Variants in JAZF1 observed in about 807,000 individuals in gnomAD.
The protein encoded by JAZF1 is JAZF zinc finger 1.
JAZF1 carries 8 observed loss-of-function variants against 26.4 expected under a neutral mutation model. That is an observed-to-expected ratio of 0.30 (90% confidence interval 0.18 to 0.55). The LOEUF (loss-of-function observed/expected upper bound fraction) is 0.55. JAZF1 is among the 20% of genes least tolerant of loss of function. The pLI, the probability that JAZF1 is intolerant of heterozygous loss-of-function variation, is 0.94. For missense variants in JAZF1, 199 were observed against 322.0 expected (o/e 0.62, Z 2.92); for synonymous variants, 126 against 122.3 (o/e 1.03, Z -0.20).
chr7:28,155,471 C>T (rs376496335), intron 1 of JAZF1, among the ~76,000 whole-genome samples: 1 of 152,180 alleles, frequency 6.6e-6, no homozygotes, highest in Non-Finnish European at 1.5e-5. Flanking sequence ...CAGAGTTATA[C>T]GGTCTTCATT....
At position 27,932,442 on chromosome 7, in the gene JAZF1, C is replaced by T. The variant is rs553105567; in HGVS notation, c.189-37026G>A. ...GACTGTTGGTATGTAAAGCCACAGA[C>T]ACAGTCATCCATAATCTAGGTGCAG... is the stretch of plus-strand genomic sequence containing the variant. On this transcript the variant is annotated intron_variant, in intron 2 of 4. Coordinates refer to ENST00000283928, the MANE Select transcript of JAZF1 (RefSeq NM_175061.4). Among the ~76,000 whole-genome samples the T allele has an allele frequency of 1.5e-3, 231 of 152,240 alleles. 1 individual carries two copies. The highest frequency in any genetic ancestry group is 1.3e-3 in the Admixed American group (20 of 15,300).
intron 3 of JAZF1, among the ~76,000 whole-genome samples, chr7:27,877,422 T>A (rs1321168740): frequency 6.6e-6 from 1 of 152,182 alleles, no homozygotes; most frequent in Non-Finnish European, 1.5e-5. Context: ...CTCCCCCAAA[T>A]GTCAGCAAGT....
intron 1 of JAZF1, among the ~76,000 whole-genome samples, chr7:27,994,629 A>G (rs1402334675): frequency 6.6e-6 from 1 of 152,200 alleles, no homozygotes; most frequent in Non-Finnish European, 1.5e-5. Flanking sequence ...GGCAACCTTT[A>G]GAATATCCAT....
At chr7:28,163,478 T>A (rs984009316) in intron 1 of JAZF1, among the ~76,000 whole-genome samples, 1 of 152,154 alleles carries the variant, frequency 6.6e-6, no homozygotes, top group Admixed American at 6.5e-5. Flanking sequence ...ACAGGAAGCA[T>A]CCCTTAACCT....
chr7:28,161,257 TA>T (rs10630786), intron 1 of JAZF1, among the ~76,000 whole-genome samples: 9,126 of 76,924 alleles, frequency 0.12, 338 homozygotes, highest in Middle Eastern at 0.18. Context: ...TCCTTTAATC[TA>T]AAAAAAAAAA....
chr7:28,160,465 A>G (rs1182515043), intron 1 of JAZF1, among the ~76,000 whole-genome samples: 1 of 152,104 alleles, frequency 6.6e-6, no homozygotes, highest in Non-Finnish European at 1.5e-5. Context: ...CACTTACAGA[A>G]GGGCCTGGCA....
intron 1 of JAZF1, among the ~76,000 whole-genome samples, chr7:28,096,848 T>G (rs1180211977): frequency 6.6e-6 from 1 of 152,200 alleles, no homozygotes; most frequent in East Asian, 1.9e-4. Flanking sequence ...TGACCACATT[T>G]CAAGTTCCTT....
intron 3 of JAZF1, among the ~76,000 whole-genome samples, chr7:27,849,104 CTTTGA>C (rs71846771): frequency 0.019 from 2,964 of 152,244 alleles, 92 homozygotes; most frequent in African/African-American, 0.068. Flanking sequence ...ATTTGTGTTC[CTTTGA>C]TTTATTTTTA....
chr7:28,130,301 C>T (rs926353629), intron 1 of JAZF1, among the ~76,000 whole-genome samples: 14 of 151,918 alleles, frequency 9.2e-5, no homozygotes, highest in Admixed American at 7.2e-4. Flanking sequence ...GGAAAAAAAA[C>T]AAAACAAAAC....
At chr7:27,963,393 T>C (rs188279592) in intron 2 of JAZF1, among the ~76,000 whole-genome samples, 203 of 152,330 alleles carry the variant, frequency 1.3e-3, no homozygotes, top group African/African-American at 3.7e-3. Flanking sequence ...TTTTATTTCA[T>C]TCCAAATTCA....
chr7:28,100,434 T>TAA (rs1411898522), intron 1 of JAZF1, among the ~76,000 whole-genome samples: 1 of 151,950 alleles, frequency 6.6e-6, no homozygotes, highest in South Asian at 2.1e-4. Context: ...CATATATATA[T>TAA]AATAATAACA....
At chr7:27,907,630 G>A (rs750921520) in intron 2 of JAZF1, among the ~76,000 whole-genome samples, 6 of 152,158 alleles carry the variant, frequency 3.9e-5, no homozygotes, top group Non-Finnish European at 7.3e-5. Context: ...GACTCCCGGG[G>A]AATCTAGCAC....
intron 2 of JAZF1, among the ~76,000 whole-genome samples, chr7:27,946,600 A>G (rs990697156): frequency 5.3e-5 from 8 of 152,196 alleles, no homozygotes; most frequent in African/African-American, 1.9e-4. Flanking sequence ...GCTGCATGTC[A>G]TCCCTAATAG....
chr7:28,157,380 T>A (rs985280948), intron 1 of JAZF1, among the ~76,000 whole-genome samples: 7 of 152,188 alleles, frequency 4.6e-5, no homozygotes, highest in African/African-American at 1.7e-4. Context: ...TCACAATTAT[T>A]CAACTCTGCC....
intron 1 of JAZF1, among the ~76,000 whole-genome samples, chr7:28,124,279 G>A (rs535230084): frequency 3.2e-4 from 49 of 152,314 alleles, no homozygotes; most frequent in Middle Eastern, 3.4e-3. Flanking sequence ...GCCACACAAA[G>A]AGGCCTCAGA....
intron 3 of JAZF1, among the ~76,000 whole-genome samples, chr7:27,879,231 T>C (rs1312982814): frequency 1.3e-5 from 2 of 152,222 alleles, no homozygotes; most frequent in East Asian, 1.9e-4. Flanking sequence ...GTATGTTCCA[T>C]TTCTTCATAT....
intron 1 of JAZF1, among the ~76,000 whole-genome samples, chr7:28,021,172 C>A (rs996857486): frequency 5.9e-5 from 9 of 152,060 alleles, no homozygotes; most frequent in Non-Finnish European, 1.3e-4. Flanking sequence ...GGACACGGGC[C>A]GAGAGAGTTC....
chr7:28,004,730 G>GCAA lies in JAZF1; in HGVS notation c.116-12752_116-12750dup. Among the ~76,000 whole-genome samples, 2 of 152,116 alleles carry GCAA rather than the reference G, an allele frequency of 1.3e-5. 1 individual carries two copies. The highest frequency in any genetic ancestry group is 6.8e-3 in the Middle Eastern group (2 of 294). ...TGCAGTGGCATGATCTCAGCTTACT[G>GCAA]CAACCTCCGCCTCTTGGGTTCAAGT... On this transcript the variant is annotated intron_variant, in intron 1 of 4. Transcript: ENST00000283928.
At chr7:27,856,406 T>C (rs993918020) in intron 3 of JAZF1, among the ~76,000 whole-genome samples, 1 of 152,162 alleles carries the variant, frequency 6.6e-6, no homozygotes, top group African/African-American at 2.4e-5. Context: ...GCAAGAGTTA[T>C]TGCAAAGAGC....
Sources: gnomAD v4.1 joint callset for allele counts (sites outside exome capture counted in the v4.1 genomes callset) on GRCh38, gnomAD v4.1.1 for gene constraint, MANE v1.5 for transcripts, NCBI Gene and HGNC (gene_info 2026-07-23, HGNC 2026-07-21) for gene names.